The following TBL1X variants were observed in gnomAD, a reference collection of about 807,000 sequenced individuals.
TBL1X encodes the protein transducin beta like 1 X-linked, also known as F-box-like/WD repeat-containing protein TBL1X.
In TBL1X, 10 loss-of-function variants were observed where a neutral mutation model predicts 50.7. The ratio of observed to expected loss-of-function variants is 0.20; its 90% CI spans 0.12 to 0.33. The LOEUF (loss-of-function observed/expected upper bound fraction) is 0.33. TBL1X is among the 10% of genes least tolerant of loss of function. The pLI is 1.00. For missense variants in TBL1X, 340 were observed against 504.4 expected (o/e 0.67, Z 3.12); for synonymous variants, 190 against 214.7 (o/e 0.88, Z 1.01).
In TBL1X at chrX:9,697,554, A is replaced by G. The variant is rs1313416928; in HGVS notation, c.1114+125A>G. The G allele has an allele frequency of 5.1e-6, 5 of 975,735 alleles. No homozygotes were observed. In the Admixed American group the frequency reaches 8.2e-5, roughly 16 times the overall value. The allele number at this position is 975,735 out of a possible 1,213,427, so 80.4% of individuals were successfully genotyped here. ...TGGGAAGCCGAAGCAGGTGGATTGC[A>G]TGAGGTCAGGAGTTCAAGACCAGCC... On this transcript the variant is annotated intron_variant, in intron 12 of 17. Transcript: ENST00000645353.
At chrX:9,536,052 G>A (rs2082185990) in intron 2 of TBL1X, among the ~76,000 whole-genome samples, 1 of 111,849 alleles carries the variant, frequency 8.9e-6, no homozygotes, top group African/African-American at 3.3e-5. Context: ...GTTGTGCTGT[G>A]TTTCAAATGA....
chrX:9,597,648 C>T (rs980199346), intron 2 of TBL1X, among the ~76,000 whole-genome samples: 12 of 111,570 alleles, frequency 1.1e-4, no homozygotes, highest in African/African-American at 3.3e-4. Context: ...TGAAATGCCC[C>T]GAATTTATGG....
chrX:9,634,002 G>A (rs2082734093), intron 2 of TBL1X, among the ~76,000 whole-genome samples: 1 of 111,420 alleles, frequency 9.0e-6, no homozygotes, highest in Admixed American at 9.5e-5. Flanking sequence ...CATGAGGACC[G>A]ACTAGACATT....
intron 4 of TBL1X, among the ~76,000 whole-genome samples, 183 bp downstream of exon 4, chrX:9,653,872 C>A (rs1197353725): frequency 8.9e-6 from 1 of 111,899 alleles, no homozygotes; most frequent in East Asian, 2.8e-4. Context: ...CGCTGCGGAT[C>A]CCTGCATGCA....
chrX:9,529,780 C>CAAAA (rs60004258), intron 2 of TBL1X, among the ~76,000 whole-genome samples: 2 of 80,652 alleles, frequency 2.5e-5, no homozygotes, highest in African/African-American at 4.4e-5. Flanking sequence ...CTGTCTCTAC[C>CAAAA]AAAAAAAAAA....
At chrX:9,626,152 G>A (rs181420404) in intron 2 of TBL1X, among the ~76,000 whole-genome samples, 7 of 111,202 alleles carry the variant, frequency 6.3e-5, no homozygotes, top group East Asian at 2.8e-4. Context: ...GACACGTGTC[G>A]CGTGTGTCTC....
rs780127428 is a variant in TBL1X at position 9,708,199 on chromosome X, T to C, written c.1237-1049T>C. Reference sequence around the variant, plus strand: ...CACAGGTGGTTCTTTTACACATGCCTGTCCCGGTAGTGTCCCCGTCTCCCT... The same window carrying C: ...CACAGGTGGTTCTTTTACACATGCCCGTCCCGGTAGTGTCCCCGTCTCCCT... On this transcript the variant is annotated intron_variant, in intron 13 of 17. Coordinates refer to ENST00000645353, the MANE Select transcript of TBL1X (RefSeq NM_005647.4). Among the ~76,000 whole-genome samples the C allele has an allele frequency of 2.7e-5, 3 of 111,684 alleles. No homozygotes were observed. The East Asian group carries it at 8.5e-4, about 32-fold the overall frequency.
intron 2 of TBL1X, among the ~76,000 whole-genome samples, chrX:9,528,757 G>A (rs2082145280): frequency 9.2e-6 from 1 of 108,816 alleles, no homozygotes; most frequent in African/African-American, 3.4e-5. Context: ...GTGGACTGGG[G>A]CGGGGTCACA....
At position 9,501,545 on chromosome X, in the gene TBL1X, G is replaced by A. The variant is rs778612794; in HGVS notation, c.-200-235G>A. ...CTGCCTTCTCCACTGTTGCAGTTCA[G>A]GGAGCTAAGGCCAAAGGCTACTGCA... On this transcript the variant is annotated intron_variant, in intron 1 of 17. Transcript: ENST00000645353. Among the ~76,000 whole-genome samples, 5 of 111,052 alleles carry A rather than the reference G, an allele frequency of 4.5e-5. No homozygotes were observed. In the East Asian group the frequency reaches 1.4e-3, roughly 32 times the overall value.
chrX:9,528,305 GT>G (rs2082142443), intron 2 of TBL1X, among the ~76,000 whole-genome samples: 1 of 111,426 alleles, frequency 9.0e-6, no homozygotes, highest in Non-Finnish European at 1.9e-5. Context: ...CTCCCATGTT[GT>G]AGCCTGTGTC....
chrX:9,481,891 A>C (rs773763526), intron 1 of TBL1X, among the ~76,000 whole-genome samples: 2 of 112,462 alleles, frequency 1.8e-5, no homozygotes, highest in Admixed American at 9.5e-5. Context: ...TATGGCAAAT[A>C]ATTGTTCTAG....
chrX:9,655,418 T>A (rs781148549), intron 5 of TBL1X, among the ~76,000 whole-genome samples: 1 of 111,313 alleles, frequency 9.0e-6, no homozygotes, highest in African/African-American at 3.3e-5. Context: ...TAAAGACAGA[T>A]TGGATTCGGA....
At chrX:9,713,817 G>T (rs752183007) in intron 16 of TBL1X, among the ~76,000 whole-genome samples, 1 of 109,565 alleles carries the variant, frequency 9.1e-6, no homozygotes. Context: ...TAATACTGCC[G>T]ACACACACCT....
chrX:9,565,788 G>T (rs1009989063), intron 2 of TBL1X, among the ~76,000 whole-genome samples: 2 of 111,269 alleles, frequency 1.8e-5, no homozygotes, highest in African/African-American at 6.5e-5. Flanking sequence ...TCGTGATGGT[G>T]CCACTGCACT....
intron 2 of TBL1X, among the ~76,000 whole-genome samples, chrX:9,617,109 C>G (rs900525059): frequency 9.0e-6 from 1 of 111,597 alleles, no homozygotes; most frequent in African/African-American, 3.3e-5. Context: ...TCCAAGGCAC[C>G]GTGTTTTTAA....
chrX:9,641,342 T>A (rs937175138), intron 3 of TBL1X, among the ~76,000 whole-genome samples: 4 of 112,021 alleles, frequency 3.6e-5, no homozygotes, highest in African/African-American at 1.3e-4. Flanking sequence ...TCTGTAAAAG[T>A]TATCTTACTA....
intron 2 of TBL1X, among the ~76,000 whole-genome samples, chrX:9,524,038 A>C (rs1281158522): frequency 2.3e-5 from 2 of 86,695 alleles, no homozygotes; most frequent in Non-Finnish European, 4.2e-5. Context: ...CACGATCTTC[A>C]CTCACTGCAA....
At chrX:9,648,877 G>A (rs1293109423) in intron 3 of TBL1X, among the ~76,000 whole-genome samples, 1 of 112,427 alleles carries the variant, frequency 8.9e-6, no homozygotes, top group Non-Finnish European at 1.9e-5. Flanking sequence ...TCTGGTCTTA[G>A]AAAAAAGAGG....
chrX:9,651,300 C>T (rs911707099), intron 3 of TBL1X, among the ~76,000 whole-genome samples: 3 of 112,091 alleles, frequency 2.7e-5, no homozygotes, highest in Admixed American at 9.5e-5. Context: ...CTGCCTCGGC[C>T]TCCCAAATTG....
Sources: gnomAD v4.1 joint callset for allele counts (sites outside exome capture counted in the v4.1 genomes callset) on GRCh38, gnomAD v4.1.1 for gene constraint, MANE v1.5 for transcripts, NCBI Gene and HGNC (gene_info 2026-07-23, HGNC 2026-07-21) for gene names.